The following H1-5 variants were observed in gnomAD, a reference collection of about 807,000 sequenced individuals.
H1-5 encodes the protein histone H1.5.
H1-5 carries 3 observed loss-of-function variants against 4.6 expected under a neutral mutation model. The ratio of observed to expected loss-of-function variants is 0.65; its 90% CI spans 0.30 to 1.68. The LOEUF is 1.68. Ranked by LOEUF, H1-5 falls within the 40% of genes most tolerant of loss-of-function variation. The probability of loss-of-function intolerance (pLI) is 0.10; values close to 1 mark genes in which losing one functional copy is unlikely to be tolerated. For synonymous variants in H1-5, 250 were observed against 123.4 expected, an observed-to-expected ratio of 2.03 and a Z score of -6.80; for missense variants, 521 against 287.9, an observed-to-expected ratio of 1.81 and a Z score of -5.86.
In H1-5 at chr6:27,867,551, G is replaced by T. The variant is rs763089007; in HGVS notation, c.-22C>A. The T allele has an allele frequency of 6.6e-7, 1 of 1,526,226 alleles. No homozygotes were observed. Among genetic ancestry groups the T allele is most frequent in the Non-Finnish European group, 8.8e-7 (1 of 1,141,818 alleles). The allele number at this position is 1,526,226 out of a possible 1,614,324, so 94.5% of individuals were successfully genotyped here. ...ACATGGTGGCAAGAAACTGCTAGAA[G>T]AGAATAAGCTCGAAATCTAAAGAGC... On this transcript the variant is annotated 5_prime_UTR_variant, in exon 1 of 1. Coordinates refer to ENST00000331442, the MANE Select transcript of H1-5 (RefSeq NM_005322.3).
Position 27,867,122 on chromosome 6 carries a change from C to G in H1-5, c.408G>C (p.Gly136=). The G allele has an allele frequency of 1.2e-6, 2 of 1,614,008 alleles. No homozygotes were observed. Among genetic ancestry groups the G allele is most frequent in the Non-Finnish European group, 1.7e-6 (2 of 1,179,944 alleles). The part of the protein sequence containing the change: ...AGAAKAKKPA[G]ATPKKAKKAA... The stretch of plus-strand genomic sequence containing the variant: ...CCTTCTTGGCCTTCTTAGGCGTGGC[C>G]CCCGCGGGCTTCTTAGCTTTAGCGG... The change falls in exon 1 of 1, where the codon GGG becomes GGC. Residue 136 remains glycine (G), a synonymous_variant. Transcript: ENST00000331442.
In H1-5 at chr6:27,866,885, A is replaced by C; in HGVS notation, c.645T>G (p.Ala215=). 6.2e-7 allele frequency: 1 copy of C among 1,600,610 alleles called. No individual in the cohort carries two copies. Among genetic ancestry groups the C allele is most frequent in the Non-Finnish European group, 8.5e-7 (1 of 1,176,488 alleles). Residue 215 remains alanine, a synonymous_variant, in exon 1 of 1, where the codon GCT becomes GCG. Coordinates refer to ENST00000331442, the MANE Select transcript of H1-5 (RefSeq NM_005322.3). ...TGGCAGCCGCCTTCTTGGCCTTTGC[A>C]GCTTTAGGTTTTGCTGCTTTGGGCT... ...AAKPKAAKPK[A]AKAKKAAAKK...
At position 27,866,929 on chromosome 6, in the gene H1-5, C is replaced by G; in HGVS notation, c.601G>C (p.Ala201Pro). 1 of 1,614,096 alleles carries G rather than the reference C, an allele frequency of 6.2e-7. No individual in the cohort carries two copies. Among genetic ancestry groups the G allele is most frequent in the Non-Finnish European group, 8.5e-7 (1 of 1,180,010 alleles). ...AKPKAVKPKA[A>P]KPKAAKPKAA... Reference sequence around the variant, plus strand: ...TTGGGCTTAGCGGCTTTGGGCTTTGCCGCCTTCGGCTTAACTGCCTTGGGC... The same window carrying G: ...TTGGGCTTAGCGGCTTTGGGCTTTGGCGCCTTCGGCTTAACTGCCTTGGGC... Residue 201 changes from alanine (A) to proline (P), a missense_variant, in exon 1 of 1, where the codon GCA becomes CCA. Coordinates refer to ENST00000331442, the MANE Select transcript of H1-5 (RefSeq NM_005322.3).
chr6:27,867,011 G>A lies in H1-5; in HGVS notation c.519C>T (p.Ser173=), dbSNP rs2113564996. The change falls in exon 1 of 1, where the codon AGC becomes AGT. Residue 173 remains serine, a synonymous_variant. Transcript: ENST00000331442. ...TGGCAGCGGCCTTGGCCTTCTTAGG[G>A]CTCTTCGCCACCTTTTTGACGCCAG... ...AAAGVKKVAK[S]PKKAKAAAKP... is the part of the protein sequence containing the mutation. 3 of 1,614,196 alleles carry A rather than the reference G, an allele frequency of 1.9e-6. No individual in the cohort carries two copies. Among genetic ancestry groups the A allele is most frequent in the South Asian group, 1.1e-5 (1 of 91,070 alleles).
In H1-5 at chr6:27,867,163, C is replaced by A; in HGVS notation, c.367G>T (p.Ala123Ser). Residue 123 changes from alanine (A) to serine (S), a missense_variant, in exon 1 of 1, where the codon GCC (alanine) becomes TCC (serine). Transcript: ENST00000331442. ...KAASGEAKPK[A>S]KKAGAAKAKK... Reference sequence around the variant, plus strand: ...GCTTTAGCGGCGCCTGCCTTCTTGGCTTTGGGCTTGGCTTCCCCGGAGGCC... The same window carrying A: ...GCTTTAGCGGCGCCTGCCTTCTTGGATTTGGGCTTGGCTTCCCCGGAGGCC... 6.2e-7 allele frequency: 1 copy of A among 1,614,164 alleles called. No individual in the cohort carries two copies. Among genetic ancestry groups the A allele is most frequent in the South Asian group, 1.1e-5 (1 of 91,082 alleles).
Position 27,866,900 on chromosome 6 carries a change from T to C in H1-5, c.630A>G (p.Ala210=), listed in dbSNP as rs1554154449. 20 of 1,608,406 alleles carry C rather than the reference T, an allele frequency of 1.2e-5. No homozygotes were observed. Among genetic ancestry groups the C allele is most frequent in the East Asian group, 4.5e-5 (2 of 44,868 alleles). Residue 210 remains alanine, a synonymous_variant, in exon 1 of 1, where the codon GCA becomes GCG. Coordinates refer to ENST00000331442, the MANE Select transcript of H1-5 (RefSeq NM_005322.3). ...TGGCCTTTGCAGCTTTAGGTTTTGC[T>C]GCTTTGGGCTTAGCGGCTTTGGGCT... The part of the protein sequence containing the change: ...AAKPKAAKPK[A]AKPKAAKAKK...
In H1-5 at chr6:27,867,521, T is replaced by C; in HGVS notation, c.9A>G (p.Glu3=). The change falls in exon 1 of 1, where the codon GAA becomes GAG. Residue 3 remains glutamate, a synonymous_variant. Transcript: ENST00000331442. ...GGGTGGCTGTCTCGGCAGGAGCGGT[T>C]TCCGACATGGTGGCAAGAAACTGCT... is the stretch of plus-strand genomic sequence containing the variant. The part of the protein sequence containing the change: MS[E]TAPAETATPA... 1 of 1,543,664 alleles carries C rather than the reference T, an allele frequency of 6.5e-7. No individual in the cohort carries two copies. The highest frequency in any genetic ancestry group is 2.3e-5 in the East Asian group (1 of 44,346).
Position 27,867,446 on chromosome 6 carries a change from A to C in H1-5, c.84T>G (p.Ala28=). 6.2e-7 allele frequency: 1 copy of C among 1,609,096 alleles called. No homozygotes were observed. The highest frequency in any genetic ancestry group is 8.5e-7 in the Non-Finnish European group (1 of 1,177,834). The part of the protein sequence containing the change: ...SPAKKKATKK[A]AGAGAAKRKA... ...TGCGCTTAGCAGCGCCGGCGCCGGC[A>C]GCCTTCTTAGTTGCCTTCTTCTTAG... The change falls in exon 1 of 1, where the codon GCT becomes GCG. Residue 28 remains alanine (A), a synonymous_variant. Transcript: ENST00000331442.
In H1-5 at chr6:27,867,078, G is replaced by C; in HGVS notation, c.452C>G (p.Ala151Gly). 1.9e-6 allele frequency: 3 copies of C among 1,613,840 alleles called. No individual in the cohort carries two copies. Among genetic ancestry groups the C allele is most frequent in the Non-Finnish European group, 2.5e-6 (3 of 1,179,894 alleles). ...CGCCTTCTTCGGAGTCTTCTTCACT[G>C]CCTTTTTCGCCCCTGCAGCCTTCTT... Reference protein sequence around the residue: ...KAKKAAGAKKAVKKTPKKAKK... With the variant: ...KAKKAAGAKKGVKKTPKKAKK... The change falls in exon 1 of 1, where the codon GCA (alanine) becomes GGA (glycine). Residue 151 changes from alanine to glycine, a missense_variant. Physicochemically the swap from Ala to Gly is moderately conservative, Grantham distance 60. Coordinates refer to ENST00000331442, the MANE Select transcript of H1-5 (RefSeq NM_005322.3).
In H1-5 at chr6:27,867,310, A is replaced by G; in HGVS notation, c.220T>C (p.Tyr74His). Residue 74 changes from tyrosine to histidine, a missense_variant, in exon 1 of 1, where the codon TAC (tyrosine) becomes CAC (histidine). By Grantham distance (83) the Tyr-to-His change is moderately conservative (BLOSUM62 2). Coordinates refer to ENST00000331442, the MANE Select transcript of H1-5 (RefSeq NM_005322.3). ...ALKKALAAGG[Y>H]DVEKNNSRIK... The stretch of plus-strand genomic sequence containing the variant: ...CGGCTGTTATTCTTCTCCACGTCGT[A>G]GCCACCGGCCGCTAAGGCCTTCTTA... 6.2e-7 allele frequency: 1 copy of G among 1,614,248 alleles called. No individual in the cohort carries two copies. The highest frequency in any genetic ancestry group is 1.1e-5 in the South Asian group (1 of 91,090).
In H1-5 at chr6:27,867,102, T is replaced by C. The variant is rs745700733; in HGVS notation, c.428A>G (p.Lys143Arg). 6.2e-7 allele frequency: 1 copy of C among 1,613,680 alleles called. No homozygotes were observed. The highest frequency in any genetic ancestry group is 1.1e-5 in the South Asian group (1 of 91,062). Residue 143 changes from lysine to arginine, a missense_variant, in exon 1 of 1, where the codon AAG becomes AGG. Transcript: ENST00000331442. ...TGCCTTTTTCGCCCCTGCAGCCTTC[T>C]TGGCCTTCTTAGGCGTGGCCCCCGC... is the stretch of plus-strand genomic sequence containing the variant. ...KPAGATPKKAKKAAGAKKAVK... is the reference protein window; with the variant it reads ...KPAGATPKKARKAAGAKKAVK...
chr6:27,867,532 T>C lies in H1-5; in HGVS notation c.-3A>G, dbSNP rs375435685. 5 of 1,537,468 alleles carry C rather than the reference T, an allele frequency of 3.3e-6. No individual in the cohort carries two copies. The highest frequency in any genetic ancestry group is 2.3e-5 in the East Asian group (1 of 44,366). ...TCGGCAGGAGCGGTTTCCGACATGG[T>C]GGCAAGAAACTGCTAGAAGAGAATA... On this transcript the variant is annotated 5_prime_UTR_variant, in exon 1 of 1. Coordinates refer to ENST00000331442, the MANE Select transcript of H1-5 (RefSeq NM_005322.3).
chr6:27,867,163 C>G lies in H1-5; in HGVS notation c.367G>C (p.Ala123Pro). ...GCTTTAGCGGCGCCTGCCTTCTTGG[C>G]TTTGGGCTTGGCTTCCCCGGAGGCC... is the stretch of plus-strand genomic sequence containing the variant. ...KAASGEAKPK[A>P]KKAGAAKAKK... The change falls in exon 1 of 1, where the codon GCC becomes CCC. Residue 123 changes from alanine (A) to proline (P), a missense_variant. By Grantham distance (27) the Ala-to-Pro change is conservative. Coordinates refer to ENST00000331442, the MANE Select transcript of H1-5 (RefSeq NM_005322.3). The G allele has an allele frequency of 6.2e-7, 1 of 1,614,164 alleles. No homozygotes were observed.
chr6:27,867,123 C>G lies in H1-5; in HGVS notation c.407G>C (p.Gly136Ala), dbSNP rs375871661. 3.1e-6 allele frequency: 5 copies of G among 1,613,824 alleles called. No homozygotes were observed. Among genetic ancestry groups the G allele is most frequent in the Admixed American group, 1.7e-5 (1 of 60,002 alleles). The stretch of plus-strand genomic sequence containing the variant: ...CTTCTTGGCCTTCTTAGGCGTGGCC[C>G]CCGCGGGCTTCTTAGCTTTAGCGGC... Reference protein sequence around the residue: ...AGAAKAKKPAGATPKKAKKAA... With the variant: ...AGAAKAKKPAAATPKKAKKAA... The change falls in exon 1 of 1, where the codon GGG becomes GCG. Residue 136 changes from glycine (G) to alanine (A), a missense_variant. Physicochemically the swap from Gly to Ala is moderately conservative, Grantham distance 60 (BLOSUM62 0). Coordinates refer to ENST00000331442, the MANE Select transcript of H1-5 (RefSeq NM_005322.3).
chr6:27,866,831 T>C lies in H1-5; in HGVS notation c.*18A>G, dbSNP rs1761518534. 1.3e-6 allele frequency: 2 copies of C among 1,568,700 alleles called. No homozygotes were observed. Among genetic ancestry groups the C allele is most frequent in the Non-Finnish European group, 1.7e-6 (2 of 1,163,718 alleles). ...AAGAGCCTTTGGGGCTTTGTTGCGGTTTTCACACGCCAGCTTCCTACTTCT... is the reference window on the plus strand; with the variant it reads ...AAGAGCCTTTGGGGCTTTGTTGCGGCTTTCACACGCCAGCTTCCTACTTCT... On this transcript the variant is annotated 3_prime_UTR_variant, in exon 1 of 1. Coordinates refer to ENST00000331442, the MANE Select transcript of H1-5 (RefSeq NM_005322.3).
In H1-5 at chr6:27,867,122, C is replaced by A; in HGVS notation, c.408G>T (p.Gly136=). 6.2e-7 allele frequency: 1 copy of A among 1,614,008 alleles called. No homozygotes were observed. Among genetic ancestry groups the A allele is most frequent in the Non-Finnish European group, 8.5e-7 (1 of 1,179,944 alleles). ...CCTTCTTGGCCTTCTTAGGCGTGGC[C>A]CCCGCGGGCTTCTTAGCTTTAGCGG... The part of the protein sequence containing the change: ...AGAAKAKKPA[G]ATPKKAKKAA... The change falls in exon 1 of 1, where the codon GGG becomes GGT. Residue 136 remains glycine (G), a synonymous_variant. Coordinates refer to ENST00000331442, the MANE Select transcript of H1-5 (RefSeq NM_005322.3).
rs545007006 is a variant in H1-5, at chr6:27,867,055, C to CCTTCTTCGGAGT, written c.463_474dup (p.Thr155_Lys158dup). Reference sequence around the variant, plus strand: ...ACGCCAGCCGCCGCGGGCTTCTTCGCCTTCTTCGGAGTCTTCTTCACTGCC... The same window carrying CCTTCTTCGGAGT: ...ACGCCAGCCGCCGCGGGCTTCTTCGCCTTCTTCGGAGTCTTCTTCGGAGTCTTCTTCACTGCC... On this transcript the variant is annotated inframe_insertion, in exon 1 of 1. Coordinates refer to ENST00000331442, the MANE Select transcript of H1-5 (RefSeq NM_005322.3). The CCTTCTTCGGAGT allele has an allele frequency of 6.2e-7, 1 of 1,613,884 alleles. No homozygotes were observed. Among genetic ancestry groups the CCTTCTTCGGAGT allele is most frequent in the Non-Finnish European group, 8.5e-7 (1 of 1,179,964 alleles).
rs1054786554 is a variant in H1-5 at position 27,867,585 on chromosome 6, C to T, written c.-56G>A. 4.1e-6 allele frequency: 6 copies of T among 1,473,886 alleles called. No individual in the cohort carries two copies. Among genetic ancestry groups the T allele is most frequent in the Non-Finnish European group, 5.4e-6 (6 of 1,100,982 alleles). The allele number at this position is 1,473,886 out of a possible 1,614,324, so 91.3% of individuals were successfully genotyped here. The stretch of plus-strand genomic sequence containing the variant: ...CTCGAAATCTAAAGAGCAGGTTTTG[C>T]GTTGCTGCTATGCTCGGGCCCCGGG... On this transcript the variant is annotated 5_prime_UTR_variant, in exon 1 of 1. Transcript: ENST00000331442.
rs201436001 is a variant in H1-5, at chr6:27,866,921, G to C, written c.609C>G (p.Pro203=). ...TTGCTGCTTTGGGCTTAGCGGCTTT[G>C]GGCTTTGCCGCCTTCGGCTTAACTG... ...PKAVKPKAAK[P]KAAKPKAAKP... Residue 203 remains proline, a synonymous_variant, in exon 1 of 1, where the codon CCC becomes CCG. Transcript: ENST00000331442. The C allele has an allele frequency of 1.8e-4, 297 of 1,613,736 alleles. 1 individual carries two copies. Among genetic ancestry groups the C allele is most frequent in the Admixed American group, 8.3e-5 (5 of 59,926 alleles).
Sources: allele counts gnomAD v4.1 joint callset, GRCh38; gene constraint gnomAD v4.1.1; transcripts MANE v1.5; gene names NCBI Gene and HGNC (gene_info 2026-07-23, HGNC 2026-07-21).